CORO2B: variants seen among roughly 807,000 people sequenced by gnomAD.
The protein encoded by CORO2B is coronin-2B.
In CORO2B, 26 loss-of-function variants were observed where a neutral mutation model predicts 58.8. The observed-to-expected ratio is 0.44, with a 90% CI of 0.32 to 0.61. CORO2B has a LOEUF of 0.61. Among genes scored for constraint, CORO2B ranks in the 20% least tolerant of loss-of-function variants. The pLI, the probability that CORO2B is intolerant of heterozygous loss-of-function variation, is 0.04. For missense variants in CORO2B, 460 were observed against 645.1 expected, an observed-to-expected ratio of 0.71 and a Z score of 3.11; for synonymous variants, 242 against 253.8, an observed-to-expected ratio of 0.95 and a Z score of 0.44.
Position 68,711,529 on chromosome 15 carries a change from T to A in CORO2B, c.484-13T>A. On this transcript the variant is annotated splice_polypyrimidine_tract_variant and intron_variant, in intron 4 of 11. Transcript: ENST00000261861. ...AGCCACTGACCCTGCCTCCCATGCA[T>A]CTGCCCTCGCAGGTCCTCATCTGGA... 1 of 1,606,946 alleles carries A rather than the reference T, an allele frequency of 6.2e-7. No homozygotes were observed. Among genetic ancestry groups the A allele is most frequent in the Non-Finnish European group, 8.5e-7 (1 of 1,175,418 alleles).
Position 68,702,878 on chromosome 15 carries a change from G to T in CORO2B, c.333+7622G>T, listed in dbSNP as rs531741730. Among the ~76,000 whole-genome samples, 5 of 138,640 alleles carry T rather than the reference G, an allele frequency of 3.6e-5. No individual in the cohort carries two copies. In the Admixed American group the frequency reaches 3.8e-4, roughly 10 times the overall value. 91.0% of individuals were successfully genotyped at this position (138,640 alleles called of 152,430 possible). The stretch of plus-strand genomic sequence containing the variant: ...GTCTCACTTTGGCACCCAGGCTGGA[G>T]TGCTGTGACACAATCTTGGCTCACT... On this transcript the variant is annotated intron_variant, in intron 3 of 11. Transcript: ENST00000261861.
chr15:68,704,039 TACACACACACACACACACACACACAC>T (rs10566834), intron 3 of CORO2B, among the ~76,000 whole-genome samples: 58 of 128,156 alleles, frequency 4.5e-4, no homozygotes, highest in African/African-American at 1.6e-3. Flanking sequence ...TACACACACA[TACACACACACACACACACACACACAC>T]ACACACACAC....
At position 68,645,400 on chromosome 15, in the gene CORO2B, G is replaced by A. The variant is rs776475783; in HGVS notation, c.216+40G>A. 7 of 1,587,958 alleles carry A rather than the reference G, an allele frequency of 4.4e-6. No homozygotes were observed. In the South Asian group the frequency reaches 4.4e-5, roughly 10 times the overall value. ...CCTTCACTCCAGCTGCAGCTCCAGG[G>A]CAGAGAGGAGCCCTCCTTGGTCTCT... On this transcript the variant is annotated intron_variant, in intron 2 of 11. Coordinates refer to ENST00000261861, the MANE Select transcript of CORO2B (RefSeq NM_006091.5). The surrounding 1 kb of genome is among the most constrained non-coding windows in gnomAD (Gnocchi z 4.5).
chr15:68,676,228 C>T (rs993312865), intron 2 of CORO2B, among the ~76,000 whole-genome samples: 1 of 152,176 alleles, frequency 6.6e-6, no homozygotes, highest in Non-Finnish European at 1.5e-5. Flanking sequence ...ATCAGTTTAG[C>T]GTGTGTGTGC....
chr15:68,576,217 T>C (rs544745287), upstream of CORO2B, among the ~76,000 whole-genome samples: 1 of 145,194 alleles, frequency 6.9e-6, no homozygotes, highest in East Asian at 2.2e-4. Flanking sequence ...CAGTATCTCC[T>C]ACATGCAGAG....
chr15:68,700,631 A>G (rs975189548), intron 3 of CORO2B, among the ~76,000 whole-genome samples: 4 of 152,188 alleles, frequency 2.6e-5, no homozygotes, highest in African/African-American at 9.6e-5. Context: ...TCTCCCTGGC[A>G]TCTGGCAGAA....
chr15:68,706,087 G>A (rs1032562378), intron 3 of CORO2B, among the ~76,000 whole-genome samples: 7 of 152,036 alleles, frequency 4.6e-5, no homozygotes, highest in African/African-American at 1.7e-4. Context: ...GCCCAAGCAG[G>A]GCTTCTTCAA....
chr15:68,726,043 A>T lies in CORO2B; in HGVS notation c.*69A>T. 1 of 1,587,494 alleles carries T rather than the reference A, an allele frequency of 6.3e-7. No homozygotes were observed. Among genetic ancestry groups the T allele is most frequent in the Non-Finnish European group, 8.5e-7 (1 of 1,171,220 alleles). ...CTACTCATCCCTTAACTTCTCCCTTACCAGTGACCCCAGAGACAGAGCCAG... is the reference window on the plus strand; with the variant it reads ...CTACTCATCCCTTAACTTCTCCCTTTCCAGTGACCCCAGAGACAGAGCCAG... On this transcript the variant is annotated 3_prime_UTR_variant, in exon 12 of 12. Coordinates refer to ENST00000261861, the MANE Select transcript of CORO2B (RefSeq NM_006091.5).
At chr15:68,586,714 C>A (rs1212048905) in intron 1 of CORO2B, among the ~76,000 whole-genome samples, 1 of 152,090 alleles carries the variant, frequency 6.6e-6, no homozygotes, top group Admixed American at 6.5e-5. Flanking sequence ...CTCTTTCCTT[C>A]CCGCTGCCTG....
chr15:68,678,697 G>A (rs908214974), intron 2 of CORO2B, among the ~76,000 whole-genome samples: 1 of 152,082 alleles, frequency 6.6e-6, no homozygotes, highest in Non-Finnish European at 1.5e-5. Flanking sequence ...GAAAACAAAA[G>A]AAGGCAGCTG....
chr15:68,620,159 G>T (rs771597371), intron 1 of CORO2B, among the ~76,000 whole-genome samples: 10 of 152,202 alleles, frequency 6.6e-5, no homozygotes, highest in Non-Finnish European at 1.2e-4. Flanking sequence ...TGATCCACCC[G>T]CCTTGGCCTC....
At chr15:68,695,323 T>C (rs1303645870) in intron 3 of CORO2B, 67 bp downstream of exon 3, 34 of 1,126,568 alleles carry the variant, frequency 3.0e-5, no homozygotes, top group Non-Finnish European at 4.0e-5. Flanking sequence ...TGGAGGCCTC[T>C]CTTCCTACCC....
intron 6 of CORO2B, 35 bp from the exon 7 acceptor site, chr15:68,714,524 C>A: frequency 6.4e-7 from 1 of 1,553,668 alleles, no homozygotes; most frequent in East Asian, 2.2e-5. Flanking sequence ...GCCATCCTGC[C>A]TGCAGAGAGG....
At chr15:68,584,884 A>G (rs2140559349) in intron 1 of CORO2B, among the ~76,000 whole-genome samples, 1 of 149,774 alleles carries the variant, frequency 6.7e-6, no homozygotes, top group Middle Eastern at 3.4e-3. Context: ...TGGCTTCCAC[A>G]TGAAAAGTAG....
At chr15:68,528,231 TATAGTCTTTAACCTTAAAC>T in the CORO2B span, among the ~76,000 whole-genome samples, 7 of 152,306 alleles carry the variant, frequency 4.6e-5, no homozygotes, top group East Asian at 9.6e-4. Context: ...AAGGAAACCA[TATAGTCTTTAACCTTAAAC>T]TGATTCTCCT....
chr15:68,563,159 C>T, the CORO2B span, among the ~76,000 whole-genome samples: 2 of 151,234 alleles, frequency 1.3e-5, no homozygotes, highest in African/African-American at 2.4e-5. Flanking sequence ...GCAAACTAAA[C>T]CCAAAGCAAG....
chr15:68,539,292 C>G, the CORO2B span, among the ~76,000 whole-genome samples: 5 of 152,194 alleles, frequency 3.3e-5, no homozygotes, highest in Admixed American at 6.5e-5. Flanking sequence ...ATGGGCCCAT[C>G]TCCATTTTTG....
At position 68,645,342 on chromosome 15, in the gene CORO2B, C is replaced by G. The variant is rs778091302; in HGVS notation, c.198C>G (p.Leu66=). ...VTESAGGGSF[L]VIPLEQTGRI... ...AGAGCGCAGGGGGCGGCTCCTTCCT[C>G]GTCATCCCCCTGGAGCAGGTAGGTG... Residue 66 remains leucine (L), a synonymous_variant, in exon 2 of 12, where the codon CTC becomes CTG. Coordinates refer to ENST00000261861, the MANE Select transcript of CORO2B (RefSeq NM_006091.5). This position sits in a 1 kb window ranked among gnomAD's most constrained non-coding sequence, Gnocchi z 4.5. 1.2e-6 allele frequency: 2 copies of G among 1,611,842 alleles called. No individual in the cohort carries two copies.
At chr15:68,725,161 G>A (rs911695262) in intron 11 of CORO2B, among the ~76,000 whole-genome samples, 4 of 152,130 alleles carry the variant, frequency 2.6e-5, no homozygotes, top group Admixed American at 2.0e-4. Flanking sequence ...TTGAGGTCAG[G>A]AGTTCGAGAC....
Sources: allele counts gnomAD v4.1 joint callset (sites outside exome capture counted in the v4.1 genomes callset), GRCh38; gene constraint gnomAD v4.1.1; non-coding constraint Gnocchi (gnomAD v3.1); transcripts MANE v1.5; gene names NCBI Gene and HGNC (gene_info 2026-07-23, HGNC 2026-07-21).